ZCCHC24: variants seen among roughly 807,000 people sequenced by gnomAD.
ZCCHC24 encodes the protein zinc finger CCHC-type containing 24, also known as zinc finger CCHC domain-containing protein 24.
Under a neutral mutation model 26.2 loss-of-function variants are expected in ZCCHC24, and 10 were observed. That is an observed-to-expected ratio of 0.38 (90% CI 0.24 to 0.65). The LOEUF is 0.65. Ranked by LOEUF, ZCCHC24 falls within the 30% of genes least tolerant of loss-of-function variation. The pLI is 0.54. For synonymous variants in ZCCHC24, 144 were observed against 147.1 expected (o/e 0.98, Z 0.15); for missense variants, 243 against 329.1 (o/e 0.74, Z 2.03).
At chr10:79,401,414 C>T (rs1256719423) in intron 2 of ZCCHC24, among the ~76,000 whole-genome samples, 3 of 152,338 alleles carry the variant, frequency 2.0e-5, no homozygotes, top group South Asian at 2.1e-4. Flanking sequence ...CAGATGGGAA[C>T]GCTGACGCAT....
rs1368448345 is a variant in ZCCHC24, at chr10:79,383,116, C to G, written c.*3229G>C. On this transcript the variant is annotated 3_prime_UTR_variant, in exon 4 of 4. Transcript: ENST00000372336. Reference sequence around the variant, plus strand: ...AAAGGGGTCACCATTCCCTTTTTCACTATGTATCGAATTATAGCTTCCCTT... The same window carrying G: ...AAAGGGGTCACCATTCCCTTTTTCAGTATGTATCGAATTATAGCTTCCCTT... 2 of 152,786 alleles carry G rather than the reference C, an allele frequency of 1.3e-5. No individual in the cohort carries two copies. Among genetic ancestry groups the G allele is most frequent in the African/African-American group, 4.8e-5 (2 of 41,462 alleles). 9.5% of individuals were successfully genotyped at this position (152,786 alleles called of 1,614,324 possible). A position where few individuals can be genotyped will look rare whatever the true frequency, so the allele number is the denominator to read the frequency against.
rs1357456469 is a variant in ZCCHC24 at position 79,432,686 on chromosome 10, A to T, written c.319T>A (p.Ser107Thr). 6.2e-7 allele frequency: 1 copy of T among 1,608,176 alleles called. No homozygotes were observed. Residue 107 changes from serine (S) to threonine (T), a missense_variant, in exon 2 of 4, where the codon TCC (serine) becomes ACC (threonine). Ser to Thr is a moderately conservative substitution (Grantham distance 58). Transcript: ENST00000372336. ...SLNNIADGLS[S>T]LTEHFSDLTL... ...AGGTCTGAGAAGTGCTCGGTGAGGG[A>T]GCTGAGGCCATCGGCGATGTTGTTG... is the stretch of plus-strand genomic sequence containing the variant.
At chr10:79,411,974 C>T (rs1378621598) in intron 2 of ZCCHC24, among the ~76,000 whole-genome samples, 1 of 152,216 alleles carries the variant, frequency 6.6e-6, no homozygotes, top group Non-Finnish European at 1.5e-5. Context: ...TCTCTCCTGC[C>T]CTTCCCTGGC....
intron 2 of ZCCHC24, among the ~76,000 whole-genome samples, chr10:79,407,797 C>T (rs1014551929): frequency 2.6e-5 from 4 of 152,214 alleles, no homozygotes; most frequent in African/African-American, 9.6e-5. Flanking sequence ...AGGAGCTGGG[C>T]TGGTTGCAGG....
intron 2 of ZCCHC24, among the ~76,000 whole-genome samples, chr10:79,431,905 CA>C (rs1354570584): frequency 2.6e-5 from 4 of 152,200 alleles, no homozygotes; most frequent in Non-Finnish European, 4.4e-5. Flanking sequence ...GGTCAGGGAC[CA>C]TCCTGTAGGT....
At chr10:79,421,816 A>T (rs893281090) in intron 2 of ZCCHC24, among the ~76,000 whole-genome samples, 131 of 152,060 alleles carry the variant, frequency 8.6e-4, no homozygotes, top group African/African-American at 2.9e-3. Context: ...TTTAGCAGAG[A>T]TGAGGTTTCA....
intron 2 of ZCCHC24, among the ~76,000 whole-genome samples, chr10:79,414,628 T>C (rs1009936816): frequency 2.6e-5 from 4 of 152,070 alleles, no homozygotes; most frequent in African/African-American, 7.2e-5. Context: ...CTCAGGAGGA[T>C]AATTGTGGTT....
rs189211246 is a variant in ZCCHC24, at chr10:79,402,565, G to A, written c.448-8125C>T. Among the ~76,000 whole-genome samples, 1,486 of 152,376 alleles carry A rather than the reference G, an allele frequency of 9.8e-3. 13 individuals carry two copies. Among genetic ancestry groups the A allele is most frequent in the Non-Finnish European group, 0.015 (995 of 68,034 alleles). The stretch of plus-strand genomic sequence containing the variant: ...GTGGGGATTATAGGCGTGAGCCACT[G>A]TGCCCGGCCAGAGCCTTGGTTTTTC... On this transcript the variant is annotated intron_variant, in intron 2 of 3. Coordinates refer to ENST00000372336, the MANE Select transcript of ZCCHC24 (RefSeq NM_153367.4).
At chr10:79,434,156 G>A (rs1461320204) in intron 1 of ZCCHC24, among the ~76,000 whole-genome samples, 2 of 152,188 alleles carry the variant, frequency 1.3e-5, no homozygotes, top group Non-Finnish European at 2.9e-5. Context: ...ATCAGAGCCT[G>A]GGATGCGGAA....
chr10:79,421,239 A>G (rs977989421), intron 2 of ZCCHC24, among the ~76,000 whole-genome samples: 10 of 152,220 alleles, frequency 6.6e-5, no homozygotes, highest in African/African-American at 2.2e-4. Flanking sequence ...AGTGCTCACG[A>G]CATTCCAGGT....
chr10:79,424,071 T>G (rs1013520954), intron 2 of ZCCHC24, among the ~76,000 whole-genome samples: 1 of 150,966 alleles, frequency 6.6e-6, no homozygotes, highest in African/African-American at 2.4e-5. Context: ...AAAAGTATCA[T>G]GGGCCTAAGC....
chr10:79,437,717 G>T (rs892907510), intron 1 of ZCCHC24, among the ~76,000 whole-genome samples: 1 of 152,230 alleles, frequency 6.6e-6, no homozygotes, highest in African/African-American at 2.4e-5. Context: ...TGCATGAGGG[G>T]TGCAGGCCCT....
chr10:79,432,885 C>G, intron 1 of ZCCHC24, 127 bp from the exon 2 acceptor site: 1 of 1,060,988 alleles, frequency 9.4e-7, no homozygotes, highest in Non-Finnish European at 1.3e-6. Flanking sequence ...GCTCCAGAAG[C>G]CTGAGTTCAA....
intron 1 of ZCCHC24, among the ~76,000 whole-genome samples, chr10:79,442,306 G>A (rs549044188): frequency 1.3e-4 from 20 of 152,268 alleles, no homozygotes; most frequent in African/African-American, 4.6e-4. Flanking sequence ...TCACCTCCTG[G>A]TGCTTGCTCC....
At chr10:79,398,545 A>G (rs1396207051) in intron 2 of ZCCHC24, among the ~76,000 whole-genome samples, 2 of 148,424 alleles carry the variant, frequency 1.3e-5, no homozygotes, top group African/African-American at 5.2e-5. Flanking sequence ...TAGTCCCAGG[A>G]GGATGGTTCC....
intron 2 of ZCCHC24, among the ~76,000 whole-genome samples, chr10:79,412,992 T>C (rs961689438): frequency 6.6e-6 from 1 of 152,224 alleles, no homozygotes; most frequent in Non-Finnish European, 1.5e-5. Context: ...CTTTGGACTC[T>C]ATCTCCTCTA....
chr10:79,420,004 A>G (rs1856915851), intron 2 of ZCCHC24, among the ~76,000 whole-genome samples: 2 of 152,090 alleles, frequency 1.3e-5, no homozygotes, highest in African/African-American at 2.4e-5. Flanking sequence ...GGCAAGAGGC[A>G]GCAGGAAGGA....
chr10:79,427,540 G>T (rs926460425), intron 2 of ZCCHC24, among the ~76,000 whole-genome samples: 3 of 151,312 alleles, frequency 2.0e-5, no homozygotes, highest in Admixed American at 6.6e-5. Flanking sequence ...AGATGTGTGG[G>T]AAACACGCAA....
At chr10:79,431,415 G>C (rs1368567293) in intron 2 of ZCCHC24, among the ~76,000 whole-genome samples, 1 of 152,176 alleles carries the variant, frequency 6.6e-6, no homozygotes, top group African/African-American at 2.4e-5. Flanking sequence ...GTCGTCAGTG[G>C]GTCAGCTCCC....
Sources: gnomAD v4.1 joint callset for allele counts (sites outside exome capture counted in the v4.1 genomes callset) on GRCh38, gnomAD v4.1.1 for gene constraint, MANE v1.5 for transcripts, NCBI Gene and HGNC (gene_info 2026-07-23, HGNC 2026-07-21) for gene names.